KIF21B: variants seen among roughly 807,000 people sequenced by gnomAD.
KIF21B encodes the protein kinesin-like protein KIF21B.
In KIF21B, 85 loss-of-function variants were observed where a neutral mutation model predicts 192.9. The ratio of observed to expected loss-of-function variants is 0.44; its 90% confidence interval spans 0.37 to 0.53. KIF21B has a LOEUF of 0.53. KIF21B is among the 20% of genes least tolerant of loss of function. KIF21B has a pLI of 0.00. For missense variants in KIF21B, 1,716 were observed against 2,194.8 expected (o/e 0.78, Z 4.36); for synonymous variants, 832 against 884.6 (o/e 0.94, Z 1.05).
Position 200,991,720 on chromosome 1 carries a change from C to G in KIF21B, c.2391G>C (p.Gln797His), listed in dbSNP as rs759729192. The G allele has an allele frequency of 6.2e-7, 1 of 1,614,120 alleles. No homozygotes were observed. The highest frequency in any genetic ancestry group is 1.1e-5 in the South Asian group (1 of 91,068). Residue 797 changes from glutamine (Q) to histidine (H), a missense_variant, in exon 17 of 35, where the codon CAG (glutamine) becomes CAC (histidine). Physicochemically the swap from Gln to His is conservative, Grantham distance 24. This residue lies in a region of KIF21B where 1,087 missense variants were observed against 1,316.6 expected (regional missense o/e 0.83). Transcript: ENST00000461742. ...GCTTCTGGGACTCCAGAGCTCGGAT[C>G]TGAAACTGTGGGAGACAGAAGAGGG... ...LKKEQRRQEF[Q>H]IRALESQKRQ...
In KIF21B at chr1:201,017,156, G is replaced by A. The variant is rs1224233914; in HGVS notation, c.41+6187C>T. ...TGCCATGAGGCACCTTGAGAGTCCT[G>A]TTGTCTATGGCCCTCCAGGGCATCA... On this transcript the variant is annotated intron_variant, in intron 1 of 34. Coordinates refer to ENST00000461742, the MANE Select transcript of KIF21B (RefSeq NM_001252102.2). The surrounding 1 kb of genome is among the most constrained non-coding windows in gnomAD (Gnocchi z 4.1). Among the ~76,000 whole-genome samples, 4 of 152,188 alleles carry A rather than the reference G, an allele frequency of 2.6e-5. No homozygotes were observed. Among genetic ancestry groups the A allele is most frequent in the Non-Finnish European group, 5.9e-5 (4 of 68,024 alleles).
rs924162188 is a variant in KIF21B, at chr1:200,992,179, T to C, written c.2385+103A>G. 7.6e-6 allele frequency: 7 copies of C among 925,148 alleles called. No individual in the cohort carries two copies. In the Admixed American group the frequency reaches 1.0e-4, roughly 13 times the overall value. 57.3% of individuals were successfully genotyped at this position (925,148 alleles called of 1,614,324 possible). A position where few individuals can be genotyped will look rare whatever the true frequency, so the allele number is the denominator to read the frequency against. ...GCATGACCATTACCACTTAGGACAG[T>C]GGAGACTGAGGCCCGCTTGGTCAGG... On this transcript the variant is annotated intron_variant, in intron 16 of 34. Coordinates refer to ENST00000461742, the MANE Select transcript of KIF21B (RefSeq NM_001252102.2).
chr1:200,978,319 G>A (rs556143396), intron 30 of KIF21B, among the ~76,000 whole-genome samples: 240 of 152,016 alleles, frequency 1.6e-3, no homozygotes, highest in Middle Eastern at 0.01. Flanking sequence ...AAAGTGCTGC[G>A]ATTACAGGTG....
chr1:201,013,506 G>A (rs909900076), intron 1 of KIF21B, among the ~76,000 whole-genome samples: 2 of 152,126 alleles, frequency 1.3e-5, no homozygotes, highest in Admixed American at 6.5e-5. Context: ...GGGGGTCAAG[G>A]ATCTCTAAGG....
intron 15 of KIF21B, among the ~76,000 whole-genome samples, 171 bp from the exon 16 acceptor site, chr1:200,992,560 T>C (rs181825222): frequency 6.6e-6 from 1 of 152,320 alleles, no homozygotes; most frequent in Non-Finnish European, 1.5e-5. Flanking sequence ...CACTCCTCCA[T>C]AGGAGCTTAA....
chr1:200,975,646 C>G lies in KIF21B; in HGVS notation c.4467G>C (p.Val1489=). The change falls in exon 33 of 35, where the codon GTG becomes GTC. Residue 1489 remains valine (V), a synonymous_variant. Transcript: ENST00000461742. The surrounding 1 kb of genome is among the most constrained non-coding windows in gnomAD (Gnocchi z 4.3). ...YVKMFELGEC[V]TGTIGPTHNF... is the part of the protein sequence containing the mutation. ...TGTGAGTGGGGCCGATGGTGCCCGT[C>G]ACACACTCGCCCAGCTCGAACATCT... is the stretch of plus-strand genomic sequence containing the variant. The G allele has an allele frequency of 6.2e-7, 1 of 1,612,746 alleles. No homozygotes were observed. The highest frequency in any genetic ancestry group is 8.5e-7 in the Non-Finnish European group (1 of 1,179,110).
chr1:200,991,288 A>G (rs941393433), intron 17 of KIF21B, 139 bp from the exon 18 acceptor site: 5 of 674,732 alleles, frequency 7.4e-6, no homozygotes, highest in Non-Finnish European at 1.3e-5. Context: ...CAAAAGGGCC[A>G]AGGGGTCTCT....
Position 201,004,378 on chromosome 1 carries a change from C to T in KIF21B, c.978G>A (p.Lys326=). ...KVVHVPYRDS[K]LTRLLQDSLG... ...GCGAATCCTGGAGGAGCCGAGTGAG[C>T]TTGGAGTCCCTGTAGGGAACGTGCA... The change falls in exon 7 of 35, where the codon AAG becomes AAA. Residue 326 remains lysine (K), a synonymous_variant. Coordinates refer to ENST00000461742, the MANE Select transcript of KIF21B (RefSeq NM_001252102.2). The T allele has an allele frequency of 6.3e-7, 1 of 1,577,838 alleles. No homozygotes were observed. Among genetic ancestry groups the T allele is most frequent in the Non-Finnish European group, 8.6e-7 (1 of 1,160,996 alleles).
chr1:201,008,754 A>G lies in KIF21B; in HGVS notation c.447+15T>C, dbSNP rs1658058799. On this transcript the variant is annotated intron_variant, in intron 3 of 34. Transcript: ENST00000461742. ...ACCAAGCCTCCCACCTGCCCACCCT[A>G]TGGGGCCACAGTACCTCCAGAAACT... 2 of 1,581,088 alleles carry G rather than the reference A, an allele frequency of 1.3e-6. No individual in the cohort carries two copies. Among genetic ancestry groups the G allele is most frequent in the African/African-American group, 1.3e-5 (1 of 74,462 alleles).
chr1:201,009,129 C>T (rs1190481749), intron 2 of KIF21B, 137 bp downstream of exon 2: 40 of 1,097,564 alleles, frequency 3.6e-5, no homozygotes, highest in South Asian at 7.9e-5. Context: ...TGCTAACCAG[C>T]GGTGCAACGG....
Position 200,990,994 on chromosome 1 carries a change from C to A in KIF21B, c.2610G>T (p.Val870=). ...ESGARSVSSI[V]RQWNRKINHF... ...GGTTGATTTTGCGGTTCCACTGGCG[C>A]ACGATGCTGGAGACAGAGCGGGCCC... The change falls in exon 18 of 35, where the codon GTG becomes GTT. Residue 870 remains valine (V), a synonymous_variant. Transcript: ENST00000461742. This position sits in a 1 kb window ranked among gnomAD's most constrained non-coding sequence, Gnocchi z 5.4. 6.2e-7 allele frequency: 1 copy of A among 1,614,182 alleles called. No individual in the cohort carries two copies. The highest frequency in any genetic ancestry group is 8.5e-7 in the Non-Finnish European group (1 of 1,180,050).
At chr1:201,013,633 C>G (rs1476360569) in intron 1 of KIF21B, among the ~76,000 whole-genome samples, 4 of 152,156 alleles carry the variant, frequency 2.6e-5, no homozygotes, top group African/African-American at 9.7e-5. Flanking sequence ...GCTGGGATTA[C>G]AGGCATGAGC....
rs763592461 is a variant in KIF21B at position 200,990,287 on chromosome 1, G to C, written c.2881C>G (p.Arg961Gly). 2 of 1,613,322 alleles carry C rather than the reference G, an allele frequency of 1.2e-6. No homozygotes were observed. Among genetic ancestry groups the C allele is most frequent in the East Asian group, 4.5e-5 (2 of 44,870 alleles). The stretch of plus-strand genomic sequence containing the variant: ...GGGCTCTCAGCCTGCAGCCGCTCCC[G>C]CTTCCTCCGCAGTGCCTCCTGCAGG... Reference protein sequence around the residue: ...FLLQEALRRKRERLQAESPEE... With the variant: ...FLLQEALRRKGERLQAESPEE... The change falls in exon 20 of 35, where the codon CGG (arginine) becomes GGG (glycine). Residue 961 changes from arginine to glycine, a missense_variant. This residue lies in a region of KIF21B where 1,087 missense variants were observed against 1,316.6 expected (regional missense o/e 0.83). Transcript: ENST00000461742. The surrounding 1 kb of genome is among the most constrained non-coding windows in gnomAD (Gnocchi z 5.4).
intron 1 of KIF21B, among the ~76,000 whole-genome samples, chr1:201,016,056 A>G (rs1445454612): frequency 6.6e-6 from 1 of 152,164 alleles, no homozygotes; most frequent in Admixed American, 6.5e-5. Flanking sequence ...TGTTAAGACA[A>G]CCCTGTGAAG....
intron 34 of KIF21B, chr1:200,974,335 C>T (rs1655401136): frequency 1.0e-6 from 1 of 1,000,984 alleles, no homozygotes; most frequent in Non-Finnish European, 1.4e-6. Flanking sequence ...CTGCTCCCCA[C>T]ACAGGGGGCC....
Position 201,002,193 on chromosome 1 carries a change from C to A in KIF21B, c.1370G>T (p.Ser457Ile), listed in dbSNP as rs773445211. 9 of 1,614,036 alleles carry A rather than the reference C, an allele frequency of 5.6e-6. No homozygotes were observed. The highest frequency in any genetic ancestry group is 7.6e-6 in the Non-Finnish European group (9 of 1,180,034). The part of the protein sequence containing the change: ...AINNRVTQLM[S>I]QEANLLLAKA... ...GGCTAGCAGCAGGTTGGCCTCCTGGCTCATGAGCTGGGTGACGCGGTTGTT... is the reference window on the plus strand; with the variant it reads ...GGCTAGCAGCAGGTTGGCCTCCTGGATCATGAGCTGGGTGACGCGGTTGTT... Residue 457 changes from serine (S) to isoleucine (I), a missense_variant, in exon 9 of 35, where the codon AGC becomes ATC. By Grantham distance (142) the Ser-to-Ile change is moderately radical (BLOSUM62 -2). Coordinates refer to ENST00000461742, the MANE Select transcript of KIF21B (RefSeq NM_001252102.2).
Position 200,997,730 on chromosome 1 carries a change from A to T in KIF21B, c.2077+654T>A, listed in dbSNP as rs559727717. 4.6e-4 allele frequency among the ~76,000 whole-genome samples: 67 copies of T among 145,018 alleles called. 1 individual carries two copies. Among genetic ancestry groups the T allele is most frequent in the Non-Finnish European group, 8.4e-4 (56 of 66,886 alleles). On this transcript the variant is annotated intron_variant, in intron 14 of 34. Transcript: ENST00000461742. ...GCACTCCAGCCTGGACAACAGAGAG[A>T]GATTTTTGATTTGTTTTGTCTCAAA...
rs368426819 is a variant in KIF21B, at chr1:200,976,897, C to T, written c.4326-4G>A. 6.3e-6 allele frequency: 10 copies of T among 1,599,614 alleles called. No homozygotes were observed. The African/African-American group carries it at 6.7e-5, about 11-fold the overall frequency. On this transcript the variant is annotated splice_region_variant and splice_polypyrimidine_tract_variant and intron_variant, in intron 31 of 34. Transcript: ENST00000461742. Reference sequence around the variant, plus strand: ...CAGCTTGCCGACAGGCTGGAACCTGCAGTGGGAAGAGGCCCAGCCAGGGGT... The same window carrying T: ...CAGCTTGCCGACAGGCTGGAACCTGTAGTGGGAAGAGGCCCAGCCAGGGGT...
chr1:200,988,393 C>T (rs1207689373), intron 23 of KIF21B, 40 bp from the exon 24 acceptor site: 21 of 1,612,852 alleles, frequency 1.3e-5, no homozygotes, highest in Non-Finnish European at 1.7e-5. Context: ...CCTGAGGAGC[C>T]CCCAAATTCA....
Sources: gnomAD v4.1 joint callset for allele counts (sites outside exome capture counted in the v4.1 genomes callset) on GRCh38, gnomAD v4.1.1 for gene constraint, gnomAD v4.1.1 regional missense constraint, Gnocchi (gnomAD v3.1) non-coding constraint, MANE v1.5 for transcripts, NCBI Gene and HGNC (gene_info 2026-07-23, HGNC 2026-07-21) for gene names.